SUMF1: variants seen among roughly 807,000 people sequenced by gnomAD.
SUMF1 encodes formylglycine-generating enzyme.
In SUMF1, 48 loss-of-function variants were observed where a neutral mutation model predicts 47.6. The ratio of observed to expected loss-of-function variants is 1.01; its 90% CI spans 0.80 to 1.28. The LOEUF is 1.28. Ranked by LOEUF, SUMF1 falls within the 50% of genes most tolerant of loss-of-function variation. The probability of loss-of-function intolerance (pLI) is 0.00; values close to 1 mark genes in which losing one functional copy is unlikely to be tolerated. For missense variants in SUMF1, 571 were observed against 485.4 expected, an observed-to-expected ratio of 1.18 and a Z score of -1.66; for synonymous variants, 230 against 192.1, an observed-to-expected ratio of 1.20 and a Z score of -1.63.
chr3:4,212,771 G>A (rs1462071862), intron 8 of SUMF1, among the ~76,000 whole-genome samples: 1 of 152,118 alleles, frequency 6.6e-6, no homozygotes, highest in Non-Finnish European at 1.5e-5. Flanking sequence ...GCATACACAA[G>A]TATCAATAGC....
At chr3:4,462,120 A>T (rs1433666636) in intron 1 of SUMF1, among the ~76,000 whole-genome samples, 1 of 152,212 alleles carries the variant, frequency 6.6e-6, no homozygotes, top group Non-Finnish European at 1.5e-5. Context: ...TTCTTGTAAA[A>T]TACTGAAGTT....
At chr3:4,215,291 A>C (rs576198820) in intron 8 of SUMF1, among the ~76,000 whole-genome samples, 2 of 152,202 alleles carry the variant, frequency 1.3e-5, no homozygotes, top group Non-Finnish European at 2.9e-5. Context: ...ACCAATGCCA[A>C]AAACAACATG....
At chr3:4,072,415 C>T (rs530731869) in intron 8 of SUMF1, among the ~76,000 whole-genome samples, 24 of 152,234 alleles carry the variant, frequency 1.6e-4, no homozygotes, top group Admixed American at 5.2e-4. Flanking sequence ...AAAACCAAAA[C>T]GCCCCTTCTC....
chr3:4,245,358 C>T (rs1229799502), intron 8 of SUMF1, among the ~76,000 whole-genome samples: 1 of 152,148 alleles, frequency 6.6e-6, no homozygotes, highest in African/African-American at 2.4e-5. Flanking sequence ...TCTGGTCTCT[C>T]CCCATCTTTG....
intron 8 of SUMF1, among the ~76,000 whole-genome samples, chr3:4,258,505 T>C (rs1697009221): frequency 6.7e-6 from 1 of 148,816 alleles, no homozygotes; most frequent in South Asian, 2.1e-4. Flanking sequence ...AAAAAACACA[T>C]GAAAAAATGC....
At position 4,427,015 on chromosome 3, in the gene SUMF1, C is replaced by T. The variant is rs539286713; in HGVS notation, c.520-6869G>A. Reference sequence around the variant, plus strand: ...GCAAAGACATGTTTCCCACCTCTCCCTGGGGACATAACCAGACTTGTAGTA... The same window carrying T: ...GCAAAGACATGTTTCCCACCTCTCCTTGGGGACATAACCAGACTTGTAGTA... On this transcript the variant is annotated intron_variant, in intron 3 of 8. Coordinates refer to ENST00000272902, the MANE Select transcript of SUMF1 (RefSeq NM_182760.4). Among the ~76,000 whole-genome samples, 14 of 152,304 alleles carry T rather than the reference C, an allele frequency of 9.2e-5. No individual in the cohort carries two copies. In the South Asian group the frequency reaches 2.3e-3, roughly 25 times the overall value.
intron 8 of SUMF1, among the ~76,000 whole-genome samples, chr3:4,142,024 CTG>C (rs1230652872): frequency 6.6e-6 from 1 of 152,086 alleles, no homozygotes; most frequent in Non-Finnish European, 1.5e-5. Context: ...ATGTTTATAA[CTG>C]TGTGCATGAA....
At chr3:4,230,933 C>T (rs1049741674) in intron 8 of SUMF1, among the ~76,000 whole-genome samples, 1 of 152,088 alleles carries the variant, frequency 6.6e-6, no homozygotes, top group Non-Finnish European at 1.5e-5. Flanking sequence ...TACCTTACCA[C>T]AACTTTGAAA....
rs536716740 is a variant in SUMF1, at chr3:4,205,652, G to C, written c.1015-136907C>G. On this transcript the variant is annotated intron_variant and NMD_transcript_variant, in intron 8 of 12. Transcript: ENST00000448413. ...ATTATCTGCTTTGGGGGCAACCCAA[G>C]TCCAGTAACACTGTGACTTTTGCCA... Among the ~76,000 whole-genome samples the C allele has an allele frequency of 3.9e-5, 6 of 152,334 alleles. No individual in the cohort carries two copies. The East Asian group carries it at 9.7e-4, about 25-fold the overall frequency.
intron 7 of SUMF1, among the ~76,000 whole-genome samples, chr3:4,405,543 T>C (rs1313963209): frequency 6.6e-6 from 1 of 152,106 alleles, no homozygotes. Flanking sequence ...TGTGCCACCA[T>C]GCCCAGCTAA....
chr3:4,263,434 A>C (rs1352204241), intron 8 of SUMF1, among the ~76,000 whole-genome samples: 2 of 152,222 alleles, frequency 1.3e-5, no homozygotes, highest in East Asian at 3.8e-4. Context: ...ATGAGGAAAC[A>C]TCTAGTACTA....
chr3:4,317,417 T>C, intron 8 of SUMF1: 1 of 587,700 alleles, frequency 1.7e-6, no homozygotes, highest in Non-Finnish European at 2.9e-6. Flanking sequence ...GCATGGTGGC[T>C]TACAACTGTA....
At chr3:4,362,386 T>C (rs966679449) in intron 8 of SUMF1, 132 bp from the exon 9 acceptor site, 4 of 752,968 alleles carry the variant, frequency 5.3e-6, no homozygotes, top group Admixed American at 2.0e-5. Context: ...ACTTAACATG[T>C]ATGCTTTAAA....
chr3:4,252,222 GC>G (rs1323227371), intron 8 of SUMF1, among the ~76,000 whole-genome samples: 4 of 152,252 alleles, frequency 2.6e-5, no homozygotes, highest in African/African-American at 9.6e-5. Context: ...ATTAATGGTT[GC>G]CCCATGTCCT....
intron 4 of SUMF1, among the ~76,000 whole-genome samples, chr3:4,419,469 T>C (rs1388616836): frequency 6.6e-6 from 1 of 152,228 alleles, no homozygotes; most frequent in Non-Finnish European, 1.5e-5. Context: ...TGCTGAGTCC[T>C]AACCCAAACC....
At chr3:4,046,701 T>TG (rs141736596) in intron 9 of SUMF1, among the ~76,000 whole-genome samples, 7,461 of 152,192 alleles carry the variant, frequency 0.049, 628 homozygotes, top group African/African-American at 0.17. Flanking sequence ...TCTATAACCT[T>TG]GGTTTACTCC....
At chr3:4,368,935 G>C (rs10494172) in intron 8 of SUMF1, among the ~76,000 whole-genome samples, 65,154 of 152,048 alleles carry the variant, frequency 0.43, 15,249 homozygotes, top group East Asian at 0.61. Context: ...TACAGCTCAA[G>C]TCCCTGCAAA....
At position 4,273,469 on chromosome 3, in the gene SUMF1, T is replaced by C. The variant is rs935995687; in HGVS notation, c.1014+102861A>G. Among the ~76,000 whole-genome samples the C allele has an allele frequency of 1.2e-4, 18 of 151,786 alleles. No individual in the cohort carries two copies. In the East Asian group the frequency reaches 1.9e-3, roughly 16 times the overall value. On this transcript the variant is annotated intron_variant and NMD_transcript_variant, in intron 8 of 12. Coordinates refer to the SUMF1 transcript ENST00000448413. ...TATGAAATGTCTAGAAAAATATCTA[T>C]AGAAACAGAAAGTAGATCAACGACT...
chr3:4,438,349 C>A (rs1380745247), intron 3 of SUMF1, among the ~76,000 whole-genome samples: 1 of 152,174 alleles, frequency 6.6e-6, no homozygotes, highest in African/African-American at 2.4e-5. Flanking sequence ...CTCCTTTCAA[C>A]TAGGCCCTGA....
Sources: allele counts gnomAD v4.1 joint callset (sites outside exome capture counted in the v4.1 genomes callset), GRCh38; gene constraint gnomAD v4.1.1; transcripts MANE v1.5; gene names NCBI Gene and HGNC (gene_info 2026-07-23, HGNC 2026-07-21).